Variants in EYS observed in about 807,000 individuals in gnomAD.
EYS encodes EGF-like photoreceptor maintenance factor.
EYS carries 250 observed loss-of-function variants against 282.1 expected under a neutral mutation model. The ratio of observed to expected loss-of-function variants is 0.89; its 90% CI spans 0.80 to 0.98. The LOEUF (loss-of-function observed/expected upper bound fraction) is 0.98, where lower values mean the gene tolerates loss of function less well. Among genes scored for constraint, EYS ranks in the 50% least tolerant of loss-of-function variants. The pLI, the probability that EYS is intolerant of heterozygous loss-of-function variation, is 0.00. For missense variants in EYS, 4,016 were observed against 3,709.0 expected (o/e 1.08, Z -2.15); for synonymous variants, 1,355 against 1,282.9 (o/e 1.06, Z -1.20).
chr6:65,011,063 C>A (rs1266344567), intron 13 of EYS, among the ~76,000 whole-genome samples: 1 of 152,166 alleles, frequency 6.6e-6, no homozygotes, highest in African/African-American at 2.4e-5. Context: ...AACCAAGCCC[C>A]AATACTCAGC....
At chr6:64,175,554 C>A (rs933027484) in intron 31 of EYS, among the ~76,000 whole-genome samples, 2 of 152,182 alleles carry the variant, frequency 1.3e-5, no homozygotes, top group Admixed American at 6.5e-5. Flanking sequence ...CATTCACTGG[C>A]TTCTGTCTCT....
chr6:63,999,196 C>T lies in EYS; in HGVS notation c.6726-13G>A. 1 of 1,517,786 alleles carries T rather than the reference C, an allele frequency of 6.6e-7. No homozygotes were observed. Among genetic ancestry groups the T allele is most frequent in the Non-Finnish European group, 9.0e-7 (1 of 1,116,270 alleles). 94.0% of individuals were successfully genotyped at this position (1,517,786 alleles called of 1,614,324 possible). A position where few individuals can be genotyped will look rare whatever the true frequency, so the allele number is the denominator to read the frequency against. ...AGGCGTTGTGTAGCTAAACGTAAAA[C>T]AGAAGAGGCCATTATGATATGTGTT... On this transcript the variant is annotated splice_polypyrimidine_tract_variant and intron_variant, in intron 33 of 42. Coordinates refer to ENST00000503581, the MANE Select transcript of EYS (RefSeq NM_001142800.2).
intron 19 of EYS, among the ~76,000 whole-genome samples, chr6:64,865,024 T>A (rs1413553726): frequency 6.6e-6 from 1 of 151,880 alleles, no homozygotes; most frequent in African/African-American, 2.4e-5. Flanking sequence ...AAGAAGGAAA[T>A]CCTGTCTCAA....
intron 12 of EYS, among the ~76,000 whole-genome samples, chr6:65,176,806 A>G (rs1156646338): frequency 1.3e-5 from 2 of 151,754 alleles, no homozygotes; most frequent in Non-Finnish European, 3.0e-5. Context: ...AATGGTGGGT[A>G]ACATCATTTG....
At chr6:64,391,834 T>C (rs910571866) in intron 28 of EYS, among the ~76,000 whole-genome samples, 5 of 152,138 alleles carry the variant, frequency 3.3e-5, no homozygotes, top group Admixed American at 2.0e-4. Flanking sequence ...GACTGGCAAA[T>C]TGGGTAAACA....
chr6:65,590,009 G>A lies in EYS; in HGVS notation c.-333+49769C>T, dbSNP rs545347453. Among the ~76,000 whole-genome samples the A allele has an allele frequency of 2.6e-4, 39 of 151,926 alleles. 1 individual carries two copies. The South Asian group carries it at 5.0e-3, about 19-fold the overall frequency. ...AAGCAAAACCATTGGCAAAATGAACGCGTTGGACATTTTTAAAGCATATAA... is the reference window on the plus strand; with the variant it reads ...AAGCAAAACCATTGGCAAAATGAACACGTTGGACATTTTTAAAGCATATAA... On this transcript the variant is annotated intron_variant, in intron 2 of 42. Transcript: ENST00000503581.
Position 63,978,868 on chromosome 6 carries a change from A to G in EYS, c.7055+5515T>C, listed in dbSNP as rs142823000. Reference sequence around the variant, plus strand: ...ATCACAAAAAAACTGCCTTCTTTCTACAAATGTTAAAAAAAGTCTATAAAA... The same window carrying G: ...ATCACAAAAAAACTGCCTTCTTTCTGCAAATGTTAAAAAAAGTCTATAAAA... On this transcript the variant is annotated intron_variant, in intron 35 of 42. Transcript: ENST00000503581. Among the ~76,000 whole-genome samples, 145 of 152,084 alleles carry G rather than the reference A, an allele frequency of 9.5e-4. 1 individual carries two copies. The highest frequency in any genetic ancestry group is 3.3e-3 in the African/African-American group (137 of 41,534).
chr6:63,739,859 A>AT (rs34240759), intron 41 of EYS, among the ~76,000 whole-genome samples: 5,344 of 123,528 alleles, frequency 0.043, 143 homozygotes, highest in Middle Eastern at 0.12. Context: ...ACGCCCAGCT[A>AT]TTTTTTTTTT....
intron 7 of EYS, among the ~76,000 whole-genome samples, chr6:65,390,270 T>TA (rs1765968858): frequency 6.7e-6 from 1 of 149,624 alleles, no homozygotes; most frequent in Non-Finnish European, 1.5e-5. Context: ...ACAGTGGTGA[T>TA]AAAGAAAAGG....
At chr6:64,736,762 C>G (rs1210385743) in intron 22 of EYS, among the ~76,000 whole-genome samples, 2 of 152,110 alleles carry the variant, frequency 1.3e-5, no homozygotes, top group East Asian at 3.9e-4. Flanking sequence ...GTGTCAGACA[C>G]TGAGTCAAGG....
intron 5 of EYS, among the ~76,000 whole-genome samples, chr6:65,447,223 T>C (rs1768695899): frequency 6.6e-6 from 1 of 150,816 alleles, no homozygotes; most frequent in African/African-American, 2.4e-5. Flanking sequence ...TTGCAATATT[T>C]GTGAGGGTAG....
chr6:65,180,143 C>A (rs1205963279), intron 12 of EYS, among the ~76,000 whole-genome samples: 1 of 152,026 alleles, frequency 6.6e-6, no homozygotes, highest in Non-Finnish European at 1.5e-5. Context: ...TGAAAACGGG[C>A]ACAAGACAGG....
chr6:64,030,474 G>A (rs113727768), intron 33 of EYS, among the ~76,000 whole-genome samples: 4,120 of 152,206 alleles, frequency 0.027, 159 homozygotes, highest in African/African-American at 0.083. Flanking sequence ...CAAAACTGCC[G>A]AGGACTAGAC....
chr6:65,095,836 A>T (rs564001860), intron 12 of EYS, among the ~76,000 whole-genome samples: 2 of 151,256 alleles, frequency 1.3e-5, no homozygotes, highest in South Asian at 4.2e-4. Context: ...CTCATGGCTA[A>T]CATAATATTC....
At chr6:65,417,627 G>T (rs557317087) in intron 5 of EYS, among the ~76,000 whole-genome samples, 1 of 152,136 alleles carries the variant, frequency 6.6e-6, no homozygotes, top group African/African-American at 2.4e-5. Context: ...TGAAAGCAAA[G>T]ATTACACATA....
intron 19 of EYS, among the ~76,000 whole-genome samples, chr6:64,843,139 T>A (rs1429959576): frequency 1.3e-5 from 2 of 152,048 alleles, no homozygotes; most frequent in African/African-American, 4.8e-5. Context: ...GTCCAGCAGA[T>A]GTATGGAAAT....
intron 22 of EYS, among the ~76,000 whole-genome samples, chr6:64,761,468 A>G (rs1773154606): frequency 6.6e-6 from 1 of 152,080 alleles, no homozygotes; most frequent in African/African-American, 2.4e-5. Context: ...ATTAATGTTG[A>G]ATGATTAGTA....
intron 13 of EYS, among the ~76,000 whole-genome samples, chr6:65,016,495 TAAC>T (rs1005201033): frequency 2.0e-5 from 3 of 152,116 alleles, no homozygotes; most frequent in South Asian, 2.1e-4. Context: ...TTTAAAGTGA[TAAC>T]AAAAATTCAG....
At chr6:65,634,320 GTTACTTGAT>G in intron 2 of EYS, among the ~76,000 whole-genome samples, 1 of 152,246 alleles carries the variant, frequency 6.6e-6, no homozygotes, top group South Asian at 2.1e-4. Context: ...TGTTAGTAGT[GTTACTTGAT>G]TATAATTTAA....
Sources: gnomAD v4.1 joint callset for allele counts (sites outside exome capture counted in the v4.1 genomes callset) on GRCh38, gnomAD v4.1.1 for gene constraint, MANE v1.5 for transcripts, NCBI Gene and HGNC (gene_info 2026-07-23, HGNC 2026-07-21) for gene names.